The following PCDH15 variants were observed in gnomAD, a reference collection of about 807,000 sequenced individuals.
PCDH15 encodes the protein protocadherin related 15.
Under a neutral mutation model 178.5 loss-of-function variants are expected in PCDH15, and 129 were observed. The ratio of observed to expected loss-of-function variants is 0.72; its 90% CI spans 0.63 to 0.84. The LOEUF is 0.84. Among genes scored for constraint, PCDH15 ranks in the 40% least tolerant of loss-of-function variants. The probability of loss-of-function intolerance (pLI) is 0.00; values close to 1 mark genes in which losing one functional copy is unlikely to be tolerated. For synonymous variants in PCDH15, 800 were observed against 732.0 expected, an observed-to-expected ratio of 1.09 and a Z score of -1.50; for missense variants, 2,230 against 2,099.9, an observed-to-expected ratio of 1.06 and a Z score of -1.21.
chr10:54,779,406 G>GTA (rs60576217), intron 1 of PCDH15, among the ~76,000 whole-genome samples: 130 of 107,000 alleles, frequency 1.2e-3, no homozygotes, highest in African/African-American at 1.8e-3. Flanking sequence ...ATATATATAT[G>GTA]TATATATATA....
chr10:54,488,662 TTTA>T (rs2079316167), intron 3 of PCDH15, among the ~76,000 whole-genome samples: 1 of 151,958 alleles, frequency 6.6e-6, no homozygotes, highest in South Asian at 2.1e-4. Context: ...TGCACTTTTG[TTTA>T]TTAAGGGAAA....
chr10:55,285,912 A>G (rs1842858754), intron 1 of PCDH15, among the ~76,000 whole-genome samples: 1 of 151,978 alleles, frequency 6.6e-6, no homozygotes, highest in African/African-American at 2.4e-5. Flanking sequence ...GCTTTAGTGA[A>G]GCATATACTG....
chr10:55,287,114 A>G (rs1419572649), intron 1 of PCDH15, among the ~76,000 whole-genome samples: 1 of 152,006 alleles, frequency 6.6e-6, no homozygotes, highest in Admixed American at 6.6e-5. Flanking sequence ...AATATTCACA[A>G]TAAGAAAAAA....
In PCDH15 at chr10:55,366,738, T is replaced by C. The variant is rs191025685; in HGVS notation, c.-155-200087A>G. Among the ~76,000 whole-genome samples, 323 of 152,326 alleles carry C rather than the reference T, an allele frequency of 2.1e-3. 1 individual carries two copies. Among genetic ancestry groups the C allele is most frequent in the African/African-American group, 7.2e-3 (299 of 41,588 alleles). On this transcript the variant is annotated intron_variant, in intron 2 of 5. Transcript: ENST00000613346. Reference sequence around the variant, plus strand: ...AATAAGGTTTATATAGCAATCTTTTTACCTATGTAGCTCAGAAGTACTGTA... The same window carrying C: ...AATAAGGTTTATATAGCAATCTTTTCACCTATGTAGCTCAGAAGTACTGTA...
At chr10:53,827,331 C>A (rs891800306) in intron 32 of PCDH15, 62 bp downstream of exon 32, 2 of 1,525,556 alleles carry the variant, frequency 1.3e-6, no homozygotes, top group Non-Finnish European at 1.8e-6. Context: ...AAATTAAATA[C>A]TCACCACACA....
chr10:55,357,671 T>C (rs572493631), intron 2 of PCDH15, among the ~76,000 whole-genome samples: 2 of 152,120 alleles, frequency 1.3e-5, no homozygotes, highest in South Asian at 2.1e-4. Flanking sequence ...ATTTATTCTA[T>C]ATACATATTC....
intron 8 of PCDH15, among the ~76,000 whole-genome samples, chr10:54,312,416 A>G (rs140110964): frequency 6.6e-6 from 1 of 152,224 alleles, no homozygotes; most frequent in African/African-American, 2.4e-5. Context: ...TGCTCTTCTT[A>G]TAATGTGACT....
intron 2 of PCDH15, among the ~76,000 whole-genome samples, chr10:55,106,602 G>A (rs1408664335): frequency 6.6e-6 from 1 of 152,022 alleles, no homozygotes; most frequent in Non-Finnish European, 1.5e-5. Context: ...TTCTAATAGA[G>A]ACGGGGTTTC....
At chr10:54,128,342 A>C (rs896418448) in intron 15 of PCDH15, among the ~76,000 whole-genome samples, 8 of 152,148 alleles carry the variant, frequency 5.3e-5, no homozygotes, top group Non-Finnish European at 1.2e-4. Flanking sequence ...AGATTTACGG[A>C]TCCAGGCAGG....
At position 55,260,825 on chromosome 10, in the gene PCDH15, A is replaced by G. The variant is rs565662373; in HGVS notation, c.-156+58774T>C. Among the ~76,000 whole-genome samples the G allele has an allele frequency of 7.9e-5, 12 of 152,308 alleles. No homozygotes were observed. In the South Asian group the frequency reaches 8.3e-4, roughly 11 times the overall value. On this transcript the variant is annotated intron_variant, in intron 1 of 5. Transcript: ENST00000458638. ...ATCTTTCTTTAAGTATTATACTTCA[A>G]TTCTCAAAACTTAATGTGAAATGTG... is the stretch of plus-strand genomic sequence containing the variant.
At chr10:54,100,820 C>T (rs1478255165) in intron 15 of PCDH15, among the ~76,000 whole-genome samples, 3 of 151,704 alleles carry the variant, frequency 2.0e-5, no homozygotes, top group South Asian at 2.1e-4. Flanking sequence ...CCGGCAACCA[C>T]TTAAGGTGGG....
chr10:55,471,449 G>A (rs529325664), intron 2 of PCDH15, among the ~76,000 whole-genome samples: 28 of 152,218 alleles, frequency 1.8e-4, no homozygotes, highest in South Asian at 1.7e-3. Context: ...CTAAGTTTAC[G>A]CAGGGACAGT....
At chr10:54,121,668 T>C (rs1372844648) in intron 15 of PCDH15, among the ~76,000 whole-genome samples, 1 of 152,048 alleles carries the variant, frequency 6.6e-6, no homozygotes, top group Non-Finnish European at 1.5e-5. Flanking sequence ...TAGACAACTA[T>C]GAACATTTCT....
chr10:53,820,690 C>T (rs572285471), intron 32 of PCDH15, among the ~76,000 whole-genome samples: 1 of 152,054 alleles, frequency 6.6e-6, no homozygotes, highest in South Asian at 2.1e-4. Flanking sequence ...TTGATGGTCA[C>T]ATATTATACA....
chr10:54,671,232 TGCAGTGTTATTACCTGGC>T (rs1221031284), intron 1 of PCDH15, among the ~76,000 whole-genome samples: 2 of 152,188 alleles, frequency 1.3e-5, no homozygotes, highest in Admixed American at 1.3e-4. Flanking sequence ...GAGAGTTCTG[TGCAGTGTTATTACCTGGC>T]ACAGAAAAAT....
chr10:53,952,157 C>G (rs895964607), intron 23 of PCDH15, among the ~76,000 whole-genome samples: 3 of 152,162 alleles, frequency 2.0e-5, no homozygotes, highest in African/African-American at 4.8e-5. Context: ...CTTCTCATTG[C>G]CCACAATGTG....
chr10:54,914,647 A>C (rs1417941244), intron 2 of PCDH15, among the ~76,000 whole-genome samples: 1 of 152,094 alleles, frequency 6.6e-6, no homozygotes, highest in East Asian at 1.9e-4. Flanking sequence ...CTCCTCTCAA[A>C]TCCTCATTCC....
chr10:55,142,101 T>C (rs887586514), intron 2 of PCDH15, among the ~76,000 whole-genome samples: 4 of 152,120 alleles, frequency 2.6e-5, no homozygotes, highest in African/African-American at 7.2e-5. Context: ...TGACTGCAGC[T>C]GAAAGTAATG....
At position 54,022,994 on chromosome 10, in the gene PCDH15, C is replaced by G. The variant is rs375855445; in HGVS notation, c.2424G>C (p.Lys808Asn). 261 of 1,613,810 alleles carry G rather than the reference C, an allele frequency of 1.6e-4. No homozygotes were observed. The highest frequency in any genetic ancestry group is 7.7e-4 in the Admixed American group (46 of 59,974). The stretch of plus-strand genomic sequence containing the variant: ...GACTGTTATCATCAATGTCCAAAAC[C>G]TTGATGGCCAAGGTTAGAGTTGAAT... ...PRHSTLTLAI[K>N]VLDIDDNSPV... Residue 808 changes from lysine to asparagine, a missense_variant, in exon 19 of 38, where the codon AAG (lysine) becomes AAC (asparagine). Lys to Asn is a moderately conservative substitution (Grantham distance 94, BLOSUM62 0). Transcript: ENST00000644397.
Sources: gnomAD v4.1 joint callset for allele counts (sites outside exome capture counted in the v4.1 genomes callset) on GRCh38, gnomAD v4.1.1 for gene constraint, MANE v1.5 for transcripts, NCBI Gene and HGNC (gene_info 2026-07-23, HGNC 2026-07-21) for gene names.